Variants in PLA2R1 observed in about 807,000 individuals in gnomAD.
PLA2R1 encodes phospholipase A2 receptor 1.
A neutral mutation model predicts 195.9 loss-of-function variants in PLA2R1; 158 were observed. That is an observed-to-expected ratio of 0.81 (90% CI 0.71 to 0.92). PLA2R1 has a LOEUF of 0.92. Among genes scored for constraint, PLA2R1 ranks in the 40% least tolerant of loss-of-function variants. The probability of loss-of-function intolerance (pLI) is 0.00; values close to 1 mark genes in which losing one functional copy is unlikely to be tolerated. For missense variants in PLA2R1, 1,626 were observed against 1,764.6 expected (o/e 0.92, Z 1.41); for synonymous variants, 586 against 598.2 (o/e 0.98, Z 0.30).
chr2:160,012,585 C>T (rs2715947), intron 10 of PLA2R1, among the ~76,000 whole-genome samples: 114,998 of 152,056 alleles, frequency 0.76, 43,822 homozygotes, highest in East Asian at 0.88. Flanking sequence ...CCCCATACAA[C>T]TCACATACAT....
Position 160,062,340 on chromosome 2 carries a change from C to T in PLA2R1, c.64G>A (p.Gly22Ser), listed in dbSNP as rs1036089459. Residue 22 changes from glycine (G) to serine (S), a missense_variant, in exon 1 of 30, where the codon GGT becomes AGT. Coordinates refer to ENST00000283243, the MANE Select transcript of PLA2R1 (RefSeq NM_007366.5). ...LLGAPRGCAE[G>S]VAAALTPERL... ...TCGGGGGTAAGCGCCGCCGCCACAC[C>T]CTCGGCGCAGCCCCGCGGCGCCCCC... The T allele has an allele frequency of 2.6e-6, 4 of 1,533,292 alleles. No individual in the cohort carries two copies. In the South Asian group the frequency reaches 4.8e-5, roughly 18 times the overall value. 95.0% of individuals were successfully genotyped at this position (1,533,292 alleles called of 1,614,324 possible). A position where few individuals can be genotyped will look rare whatever the true frequency, so the allele number is the denominator to read the frequency against.
Position 160,005,789 on chromosome 2 carries a change from C to G in PLA2R1, c.1697G>C (p.Ser566Thr). The G allele has an allele frequency of 6.2e-7, 1 of 1,612,766 alleles. No homozygotes were observed. Among genetic ancestry groups the G allele is most frequent in the Non-Finnish European group, 8.5e-7 (1 of 1,178,768 alleles). The change falls in exon 11 of 30, where the codon AGT becomes ACT. Residue 566 changes from serine (S) to threonine (T), a missense_variant. Transcript: ENST00000283243. Reference protein sequence around the residue: ...FEQAFITSLISSVVKMKDSYF... With the variant: ...FEQAFITSLITSVVKMKDSYF... ...ACTGTCCTTCATTTTTACCACACTA[C>G]TGATCAAACTGGTAATAAAAGCCTG...
At chr2:160,004,966 A>T (rs1315669233) in intron 11 of PLA2R1, among the ~76,000 whole-genome samples, 1 of 152,126 alleles carries the variant, frequency 6.6e-6, no homozygotes, top group Non-Finnish European at 1.5e-5. Context: ...GTGCCCATCC[A>T]CCGTACTTTG....
chr2:160,023,869 C>T (rs992092430), intron 6 of PLA2R1, among the ~76,000 whole-genome samples: 1 of 152,154 alleles, frequency 6.6e-6, no homozygotes, highest in South Asian at 2.1e-4. Context: ...ACACGGAGCA[C>T]AGAAACCCTT....
rs1017701487 is a variant in PLA2R1, at chr2:160,022,781, T to G, written c.1178A>C (p.Gln393Pro). ...CTCATGCCAGGTCTTTTCTTCTTTC[T>G]GAAGTTTGTAGCAATTACGATTGTA... Reference protein sequence around the residue: ...NPYNRNCYKLQKEEKTWHEAL... With the variant: ...NPYNRNCYKLPKEEKTWHEAL... Residue 393 changes from glutamine to proline, a missense_variant, in exon 7 of 30, where the codon CAG becomes CCG. By Grantham distance (76) the Gln-to-Pro change is moderately conservative (BLOSUM62 -1). Transcript: ENST00000283243. 1 of 1,613,790 alleles carries G rather than the reference T, an allele frequency of 6.2e-7. No individual in the cohort carries two copies. The highest frequency in any genetic ancestry group is 1.7e-5 in the Admixed American group (1 of 60,032).
chr2:159,936,714 G>T lies in PLA2R1; in HGVS notation c.*5064C>A, dbSNP rs1368133125. The T allele has an allele frequency of 6.6e-6, 1 of 152,188 alleles. No individual in the cohort carries two copies. The highest frequency in any genetic ancestry group is 1.5e-5 in the Non-Finnish European group (1 of 68,052). 9.4% of individuals were successfully genotyped at this position (152,188 alleles called of 1,614,324 possible). On this transcript the variant is annotated 3_prime_UTR_variant, in exon 30 of 30. Transcript: ENST00000283243. ...GCCACGTGTTTCTTCCTAAACCTGG[G>T]AACTTAACAGTTCTCTAGTGCCATA...
intron 6 of PLA2R1, among the ~76,000 whole-genome samples, chr2:160,023,064 A>G (rs1367808121): frequency 6.6e-6 from 1 of 152,202 alleles, no homozygotes; most frequent in Non-Finnish European, 1.5e-5. Flanking sequence ...GGATCAAATG[A>G]ACCTCAGTAT....
At chr2:159,947,983 A>G (rs1291704320) in intron 25 of PLA2R1, among the ~76,000 whole-genome samples, 1 of 152,242 alleles carries the variant, frequency 6.6e-6, no homozygotes, top group Non-Finnish European at 1.5e-5. Context: ...AAAAGTCCTT[A>G]CCCACTAATA....
In PLA2R1 at chr2:159,941,218, G is replaced by A. The variant is rs566549505; in HGVS notation, c.*560C>T. On this transcript the variant is annotated 3_prime_UTR_variant, in exon 30 of 30. Coordinates refer to ENST00000283243, the MANE Select transcript of PLA2R1 (RefSeq NM_007366.5). ...AAAATGAATGTCACCTTAAATATCA[G>A]TTGAGAGCCCAGAACCTGTGACCCT... 1 of 152,310 alleles carries A rather than the reference G, an allele frequency of 6.6e-6. No individual in the cohort carries two copies. The highest frequency in any genetic ancestry group is 2.1e-4 in the South Asian group (1 of 4,828). The allele number at this position is 152,310 out of a possible 1,614,324, so 9.4% of individuals were successfully genotyped here. A position where few individuals can be genotyped will look rare whatever the true frequency, so the allele number is the denominator to read the frequency against.
rs146251552 is a variant in PLA2R1, at chr2:160,038,186, C to T, written c.667+3839G>A. Among the ~76,000 whole-genome samples the T allele has an allele frequency of 2.6e-5, 4 of 152,202 alleles. No homozygotes were observed. In the East Asian group the frequency reaches 7.7e-4, roughly 29 times the overall value. On this transcript the variant is annotated intron_variant, in intron 3 of 29. Transcript: ENST00000283243. ...GAGAGAGAGAGGTGTTTTCAGGAGG[C>T]AGAAATAGGGATGAAAGAATTGCAG...
intron 13 of PLA2R1, among the ~76,000 whole-genome samples, chr2:159,981,252 A>C (rs1029462524): frequency 6.6e-6 from 1 of 150,736 alleles, no homozygotes; most frequent in African/African-American, 2.4e-5. Context: ...TGTCTGATTA[A>C]TAAAATAGAA....
chr2:159,988,939 A>G (rs1050521718), intron 11 of PLA2R1, among the ~76,000 whole-genome samples: 20 of 152,230 alleles, frequency 1.3e-4, no homozygotes, highest in Non-Finnish European at 1.5e-5. Context: ...TTGTGTCTTC[A>G]ACAGCGCTGG....
chr2:160,022,271 C>T (rs1240097044), intron 7 of PLA2R1, among the ~76,000 whole-genome samples: 1 of 151,692 alleles, frequency 6.6e-6, no homozygotes, highest in African/African-American at 2.4e-5. Flanking sequence ...TGTTCACTGG[C>T]TAAAATTGTT....
At chr2:159,969,457 T>C (rs1330718268) in intron 18 of PLA2R1, 98 bp from the exon 19 acceptor site, 1 of 632,260 alleles carries the variant, frequency 1.6e-6, no homozygotes, top group African/African-American at 1.9e-5. Context: ...GAAGATATAA[T>C]ATTCTATTAA....
intron 2 of PLA2R1, among the ~76,000 whole-genome samples, chr2:160,043,796 T>C (rs527548128): frequency 2.0e-4 from 31 of 152,344 alleles, no homozygotes; most frequent in African/African-American, 5.8e-4. Context: ...GTCCTGAAAA[T>C]GCCTGGCCCT....
rs1686784558 is a variant in PLA2R1, at chr2:159,935,644, C to T, written c.*6134G>A. The T allele has an allele frequency of 6.6e-6, 1 of 152,176 alleles. No homozygotes were observed. Among genetic ancestry groups the T allele is most frequent in the South Asian group, 2.1e-4 (1 of 4,826 alleles). The allele number at this position is 152,176 out of a possible 1,614,324, so 9.4% of individuals were successfully genotyped here. ...TTGTGAGCACCTCCTTATTTTCTGC[C>T]ATCACAAGATATTCCAGTTTCATCT... On this transcript the variant is annotated 3_prime_UTR_variant, in exon 30 of 30. Coordinates refer to ENST00000283243, the MANE Select transcript of PLA2R1 (RefSeq NM_007366.5).
At chr2:160,057,662 C>T (rs930264083) in intron 1 of PLA2R1, among the ~76,000 whole-genome samples, 1 of 152,144 alleles carries the variant, frequency 6.6e-6, no homozygotes, top group African/African-American at 2.4e-5. Flanking sequence ...ATCATAAGAC[C>T]TCTCTCACTG....
At chr2:159,950,167 T>C (rs1270177945) in intron 24 of PLA2R1, among the ~76,000 whole-genome samples, 2 of 152,170 alleles carry the variant, frequency 1.3e-5, no homozygotes, top group Admixed American at 6.5e-5. Context: ...TTCCAAGTCA[T>C]AGAAAATCCA....
At position 160,044,944 on chromosome 2, in the gene PLA2R1, G is replaced by C; in HGVS notation, c.323C>G (p.Ser108Cys). ...EQPLSLYECD[S>C]TLVSLRWRCN... is the part of the protein sequence containing the mutation. The stretch of plus-strand genomic sequence containing the variant: ...GCGCCACCGTAAGGAAACGAGGGTG[G>C]AGTCACATTCATATAAGCTTAATGG... The change falls in exon 2 of 30, where the codon TCC becomes TGC. Residue 108 changes from serine (S) to cysteine (C), a missense_variant. Transcript: ENST00000283243. 6.2e-7 allele frequency: 1 copy of C among 1,614,144 alleles called. No individual in the cohort carries two copies. The highest frequency in any genetic ancestry group is 1.1e-5 in the South Asian group (1 of 91,072).
Sources: gnomAD v4.1 joint callset for allele counts (sites outside exome capture counted in the v4.1 genomes callset) on GRCh38, gnomAD v4.1.1 for gene constraint, MANE v1.5 for transcripts, NCBI Gene and HGNC (gene_info 2026-07-23, HGNC 2026-07-21) for gene names.